PRDM11: variants seen among roughly 807,000 people sequenced by gnomAD.
PRDM11 encodes the protein PR/SET domain 11, also known as PR domain-containing protein 11.
Under a neutral mutation model 97.8 loss-of-function variants are expected in PRDM11, and 20 were observed. The ratio of observed to expected loss-of-function variants is 0.20; its 90% CI spans 0.14 to 0.30. The LOEUF (loss-of-function observed/expected upper bound fraction) is 0.30. PRDM11 is among the 10% of genes least tolerant of loss of function. PRDM11 has a pLI of 1.00. For synonymous variants in PRDM11, 599 were observed against 637.7 expected (o/e 0.94, Z 0.91); for missense variants, 1,139 against 1,555.2 (o/e 0.73, Z 4.50).
intron 1 of PRDM11, among the ~76,000 whole-genome samples, chr11:45,137,024 G>A (rs1397979802): frequency 6.6e-6 from 1 of 151,628 alleles, no homozygotes. Context: ...TTAGCTGGGT[G>A]TGGTGGCAGA....
Position 45,182,246 on chromosome 11 carries a change from C to T in PRDM11, c.120C>T (p.Cys40=). The T allele has an allele frequency of 6.2e-7, 1 of 1,613,754 alleles. No individual in the cohort carries two copies. Among genetic ancestry groups the T allele is most frequent in the Non-Finnish European group, 8.5e-7 (1 of 1,179,886 alleles). ...PLRDQEYGQP[C]SRRPDSSAME... ...CTTTGCGGGCCTCTGCCCTGGCCAG[C>T]TCTAGGAGACCGGACTCCTCGGCCA... is the stretch of plus-strand genomic sequence containing the variant. The change falls in exon 3 of 8, where the codon TGC becomes TGT. Residue 40 remains cysteine, a splice_region_variant and synonymous_variant. Coordinates refer to ENST00000683152, the MANE Select transcript of PRDM11 (RefSeq NM_001384648.1).
Position 45,232,680 on chromosome 11 carries a change from G to A in PRDM11, c.*4521G>A, listed in dbSNP as rs926528717. ...GTCTGGCCTCTTCCTCAGTCCTCAGGAGGACCCAAGAGACTGGCACGGCCC... is the reference window on the plus strand; with the variant it reads ...GTCTGGCCTCTTCCTCAGTCCTCAGAAGGACCCAAGAGACTGGCACGGCCC... On this transcript the variant is annotated 3_prime_UTR_variant, in exon 8 of 8. Transcript: ENST00000683152. 1 of 152,228 alleles carries A rather than the reference G, an allele frequency of 6.6e-6. No homozygotes were observed. The highest frequency in any genetic ancestry group is 2.4e-5 in the African/African-American group (1 of 41,450). 9.4% of individuals were successfully genotyped at this position (152,228 alleles called of 1,614,324 possible).
intron 1 of PRDM11, among the ~76,000 whole-genome samples, chr11:45,132,956 T>C (rs1451740058): frequency 6.6e-6 from 1 of 152,150 alleles, no homozygotes; most frequent in Non-Finnish European, 1.5e-5. Context: ...AACACCCTGC[T>C]TAAGAATGTG....
At chr11:45,220,784 G>A (rs1037038220) in intron 6 of PRDM11, among the ~76,000 whole-genome samples, 4 of 152,180 alleles carry the variant, frequency 2.6e-5, no homozygotes, top group African/African-American at 4.8e-5. Context: ...GGGTGGGTTC[G>A]GTGTCCATCC....
intron 1 of PRDM11, among the ~76,000 whole-genome samples, chr11:45,120,681 T>C (rs1852409443): frequency 6.9e-6 from 1 of 145,836 alleles, no homozygotes; most frequent in Non-Finnish European, 1.5e-5. Context: ...TCACAATAAA[T>C]CAAAAGAGAG....
intron 1 of PRDM11, among the ~76,000 whole-genome samples, chr11:45,154,191 C>A (rs1244912646): frequency 1.3e-5 from 2 of 151,756 alleles, no homozygotes; most frequent in Non-Finnish European, 2.9e-5. Context: ...CCTGTATTTA[C>A]AAAAAATGAA....
intron 1 of PRDM11, among the ~76,000 whole-genome samples, chr11:45,099,450 TAAAA>T (rs532403075): frequency 2.7e-4 from 26 of 95,214 alleles, no homozygotes; most frequent in African/African-American, 7.8e-4. Flanking sequence ...GACTCCATCT[TAAAA>T]AAAAAAAAAA....
chr11:45,160,461 A>G (rs966217339), intron 1 of PRDM11, among the ~76,000 whole-genome samples: 2 of 152,184 alleles, frequency 1.3e-5, no homozygotes, highest in Non-Finnish European at 2.9e-5. Context: ...CTTTTTCTAT[A>G]TGTCAACACA....
At chr11:45,166,004 C>T (rs2135711131) in intron 1 of PRDM11, among the ~76,000 whole-genome samples, 1 of 152,342 alleles carries the variant, frequency 6.6e-6, no homozygotes, top group Middle Eastern at 3.4e-3. Context: ...GCCACTTAAC[C>T]TCTCTGAGCC....
upstream of PRDM11, among the ~76,000 whole-genome samples, chr11:45,094,366 G>A (rs1398777144): frequency 6.6e-6 from 1 of 151,816 alleles, no homozygotes; most frequent in Non-Finnish European, 1.5e-5. Flanking sequence ...CACCCAGGCT[G>A]CCCCTGAATG....
chr11:45,195,336 G>T (rs1160692691), intron 4 of PRDM11, among the ~76,000 whole-genome samples: 1 of 151,952 alleles, frequency 6.6e-6, no homozygotes, highest in Non-Finnish European at 1.5e-5. Context: ...GTATCCTCTG[G>T]CTGTCGTTCC....
At chr11:45,155,878 A>C (rs1490279514) in intron 1 of PRDM11, among the ~76,000 whole-genome samples, 1 of 152,056 alleles carries the variant, frequency 6.6e-6, no homozygotes, top group Non-Finnish European at 1.5e-5. Context: ...GCCGAGCCCA[A>C]ATGAGTGTGG....
At chr11:45,094,633 G>C (rs1486699034), upstream of PRDM11, among the ~76,000 whole-genome samples, 2 of 146,452 alleles carry the variant, frequency 1.4e-5, no homozygotes, top group Non-Finnish European at 3.0e-5. Flanking sequence ...AGGAAGTAGA[G>C]GGAGCAGAAA....
intron 1 of PRDM11, among the ~76,000 whole-genome samples, chr11:45,121,476 G>A (rs902089419): frequency 6.6e-6 from 1 of 152,044 alleles, no homozygotes; most frequent in Non-Finnish European, 1.5e-5. Flanking sequence ...AAAGAAATGG[G>A]CAAATTCAAA....
At chr11:45,171,182 C>T (rs1422768465) in intron 1 of PRDM11, among the ~76,000 whole-genome samples, 1 of 152,104 alleles carries the variant, frequency 6.6e-6, no homozygotes, top group Non-Finnish European at 1.5e-5. Flanking sequence ...TCACTGCAAC[C>T]TCCACCTCCT....
chr11:45,159,287 C>T lies in PRDM11; in HGVS notation c.-7+12410C>T, dbSNP rs570294150. ...CCTGGGCCCAGCAGTGGCCTCCTTCCTGGCTGCCCTGGGCTCCTGGCCTGG... is the reference window on the plus strand; with the variant it reads ...CCTGGGCCCAGCAGTGGCCTCCTTCTTGGCTGCCCTGGGCTCCTGGCCTGG... On this transcript the variant is annotated intron_variant, in intron 1 of 7. Transcript: ENST00000683152. 3.1e-3 allele frequency among the ~76,000 whole-genome samples: 475 copies of T among 152,350 alleles called. 1 individual carries two copies. The highest frequency in any genetic ancestry group is 0.011 in the African/African-American group (455 of 41,592).
At chr11:45,120,586 A>C (rs1026249316) in intron 1 of PRDM11, among the ~76,000 whole-genome samples, 8 of 152,128 alleles carry the variant, frequency 5.3e-5, no homozygotes, top group Non-Finnish European at 7.4e-5. Flanking sequence ...TTCTATATCC[A>C]CTAAAATGTC....
chr11:45,213,922 T>C, intron 5 of PRDM11: 1 of 355,092 alleles, frequency 2.8e-6, no homozygotes, highest in East Asian at 7.5e-5. Context: ...CCTCTGCCCC[T>C]TGCCAGGCCT....
At chr11:45,194,869 A>AT (rs747698444) in intron 4 of PRDM11, among the ~76,000 whole-genome samples, 17 of 151,924 alleles carry the variant, frequency 1.1e-4, no homozygotes, top group Non-Finnish European at 1.6e-4. Context: ...AAGTGCTGGG[A>AT]TTACAGGCGT....
Sources: allele counts gnomAD v4.1 joint callset (sites outside exome capture counted in the v4.1 genomes callset), GRCh38; gene constraint gnomAD v4.1.1; transcripts MANE v1.5; gene names NCBI Gene and HGNC (gene_info 2026-07-23, HGNC 2026-07-21).